CSMD1: variants seen among roughly 807,000 people sequenced by gnomAD.
The protein encoded by CSMD1 is CUB and Sushi multiple domains 1.
In CSMD1, 213 loss-of-function variants were observed where a neutral mutation model predicts 417.5. The observed-to-expected ratio is 0.51, with a 90% CI of 0.46 to 0.57. The LOEUF (loss-of-function observed/expected upper bound fraction) is 0.57, where lower values mean the gene tolerates loss of function less well. Among genes scored for constraint, CSMD1 ranks in the 20% least tolerant of loss-of-function variants. The pLI, the probability that CSMD1 is intolerant of heterozygous loss-of-function variation, is 0.00. For missense variants in CSMD1, 6,923 were observed against 4,529.7 expected (o/e 1.53, Z -15.17); for synonymous variants, 2,862 against 1,736.8 (o/e 1.65, Z -16.11).
intron 15 of CSMD1, among the ~76,000 whole-genome samples, chr8:3,402,165 A>T (rs1812076471): frequency 6.6e-6 from 1 of 152,156 alleles, no homozygotes; most frequent in Admixed American, 6.6e-5. Context: ...ATTATCTGTG[A>T]TAGTGCACAA....
chr8:3,942,332 G>C (rs1207155837), intron 5 of CSMD1, among the ~76,000 whole-genome samples: 1 of 152,062 alleles, frequency 6.6e-6, no homozygotes, highest in Non-Finnish European at 1.5e-5. Flanking sequence ...TGTCTTCCAA[G>C]AAACTGGTGT....
chr8:4,223,033 G>A (rs146059757), intron 3 of CSMD1, among the ~76,000 whole-genome samples: 1 of 151,956 alleles, frequency 6.6e-6, no homozygotes, highest in Non-Finnish European at 1.5e-5. Flanking sequence ...AAGAAGAACT[G>A]ACAACAGGCT....
intron 7 of CSMD1, among the ~76,000 whole-genome samples, chr8:3,674,204 C>G (rs934383370): frequency 1.3e-5 from 2 of 152,156 alleles, no homozygotes; most frequent in South Asian, 4.1e-4. Flanking sequence ...TGAGTTGTCT[C>G]TAGAATTATC....
Position 4,394,415 on chromosome 8 carries a change from T to A in CSMD1, c.415+25538A>T, listed in dbSNP as rs559284314. Among the ~76,000 whole-genome samples, 3 of 152,306 alleles carry A rather than the reference T, an allele frequency of 2.0e-5. No homozygotes were observed. In the South Asian group the frequency reaches 6.2e-4, roughly 32 times the overall value. On this transcript the variant is annotated intron_variant, in intron 3 of 69. Coordinates refer to ENST00000635120, the MANE Select transcript of CSMD1 (RefSeq NM_033225.6). ...GGTTTTCTTAGAACACAATCAATAT[T>A]TCGTCCTATTCAATATGCGATTTTT...
At chr8:3,975,308 A>G (rs1430369082) in intron 5 of CSMD1, among the ~76,000 whole-genome samples, 1 of 152,190 alleles carries the variant, frequency 6.6e-6, no homozygotes, top group Non-Finnish European at 1.5e-5. Context: ...TTTACACAAA[A>G]TGCCCTTAGA....
intron 1 of CSMD1, among the ~76,000 whole-genome samples, chr8:4,943,135 T>C (rs1214505890): frequency 6.6e-6 from 1 of 152,196 alleles, no homozygotes; most frequent in Non-Finnish European, 1.5e-5. Flanking sequence ...GGAGGATTAA[T>C]TTCACTTCTA....
At chr8:4,130,104 C>T (rs1585380158) in intron 3 of CSMD1, among the ~76,000 whole-genome samples, 1 of 152,058 alleles carries the variant, frequency 6.6e-6, no homozygotes, top group Non-Finnish European at 1.5e-5. Flanking sequence ...TAGGGCTGCT[C>T]CATCACCATG....
chr8:4,446,595 CCAGGCTGCAGTGCAGCAGCGCGATCT>C (rs1250380155), intron 2 of CSMD1, among the ~76,000 whole-genome samples: 1 of 152,062 alleles, frequency 6.6e-6, no homozygotes, highest in Non-Finnish European at 1.5e-5. Context: ...ATTCTGTCAC[CCAGGCTGCAGTGCAGCAGCGCGATCT>C]CAGCTCACTG....
intron 1 of CSMD1, among the ~76,000 whole-genome samples, chr8:4,820,019 G>A (rs753231584): frequency 1.3e-5 from 2 of 151,756 alleles, no homozygotes; most frequent in African/African-American, 2.4e-5. Context: ...CAACATGTAG[G>A]TCTCCAATTC....
chr8:3,416,145 C>A (rs370341083), intron 12 of CSMD1, among the ~76,000 whole-genome samples: 2 of 141,484 alleles, frequency 1.4e-5, no homozygotes, highest in African/African-American at 5.2e-5. Flanking sequence ...ACTAAAAATA[C>A]AAAAAATTAG....
At chr8:4,602,217 T>G (rs921589087) in intron 2 of CSMD1, among the ~76,000 whole-genome samples, 1 of 152,136 alleles carries the variant, frequency 6.6e-6, no homozygotes, top group South Asian at 2.1e-4. Context: ...CCACCCTATG[T>G]CATTGAAAAT....
chr8:4,707,927 A>AAAG (rs1563187024), intron 1 of CSMD1, among the ~76,000 whole-genome samples: 5 of 129,082 alleles, frequency 3.9e-5, no homozygotes, highest in Non-Finnish European at 4.9e-5. Context: ...AAAAAAAAAA[A>AAAG]AAGAGGGGAA....
chr8:3,643,603 A>G (rs1797418847), intron 7 of CSMD1, among the ~76,000 whole-genome samples: 1 of 149,598 alleles, frequency 6.7e-6, no homozygotes, highest in Non-Finnish European at 1.5e-5. Context: ...CGGGCGGCTG[A>G]GGCAGGAGAA....
At chr8:4,614,783 C>G (rs1801382573) in intron 2 of CSMD1, among the ~76,000 whole-genome samples, 1 of 151,980 alleles carries the variant, frequency 6.6e-6, no homozygotes, top group Non-Finnish European at 1.5e-5. Context: ...TACAATATGT[C>G]TGTAGAATTT....
chr8:4,859,559 A>T (rs1418556507), intron 1 of CSMD1, among the ~76,000 whole-genome samples: 1 of 152,198 alleles, frequency 6.6e-6, no homozygotes, highest in Non-Finnish European at 1.5e-5. Flanking sequence ...AAACAAATTT[A>T]CAAGAAAAAA....
chr8:3,148,022 C>T (rs1818947168), intron 40 of CSMD1, among the ~76,000 whole-genome samples: 1 of 152,166 alleles, frequency 6.6e-6, no homozygotes, highest in Non-Finnish European at 1.5e-5. Flanking sequence ...TGTGTGACGT[C>T]AGTTGAAATA....
chr8:4,086,163 G>A (rs757449585), intron 3 of CSMD1, among the ~76,000 whole-genome samples: 1 of 152,022 alleles, frequency 6.6e-6, no homozygotes, highest in African/African-American at 2.4e-5. Flanking sequence ...TTCAAAAAGT[G>A]CATATAAGTA....
intron 3 of CSMD1, among the ~76,000 whole-genome samples, chr8:4,176,643 TAA>T (rs1798061530): frequency 2.0e-5 from 3 of 151,366 alleles, no homozygotes; most frequent in Non-Finnish European, 4.4e-5. Flanking sequence ...GCAAATTGGA[TAA>T]AGAGTCAAGA....
At chr8:4,670,948 G>C (rs1330955375) in intron 1 of CSMD1, among the ~76,000 whole-genome samples, 1 of 152,202 alleles carries the variant, frequency 6.6e-6, no homozygotes, top group African/African-American at 2.4e-5. Flanking sequence ...ATAACAAACA[G>C]TCATATGACA....
Sources: allele counts gnomAD v4.1 joint callset (sites outside exome capture counted in the v4.1 genomes callset), GRCh38; gene constraint gnomAD v4.1.1; transcripts MANE v1.5; gene names NCBI Gene and HGNC (gene_info 2026-07-23, HGNC 2026-07-21).